Variants in ELAPOR1 observed in about 807,000 individuals in gnomAD.
ELAPOR1 encodes endosome/lysosome-associated apoptosis and autophagy regulator 1.
A neutral mutation model predicts 119.7 loss-of-function variants in ELAPOR1; 77 were observed. The observed-to-expected ratio is 0.64, with a 90% CI of 0.54 to 0.78. The LOEUF (loss-of-function observed/expected upper bound fraction) is 0.78, where lower values mean the gene tolerates loss of function less well. Among genes scored for constraint, ELAPOR1 ranks in the 30% least tolerant of loss-of-function variants. The pLI is 0.00. For missense variants in ELAPOR1, 1,115 were observed against 1,270.4 expected, an observed-to-expected ratio of 0.88 and a Z score of 1.86; for synonymous variants, 481 against 487.2, an observed-to-expected ratio of 0.99 and a Z score of 0.17.
At chr1:109,142,713 A>G (rs888112385) in intron 1 of ELAPOR1, among the ~76,000 whole-genome samples, 6 of 152,234 alleles carry the variant, frequency 3.9e-5, no homozygotes, top group Admixed American at 1.3e-4. Context: ...GGAATATAAA[A>G]TGGTATCGCT....
At position 109,200,196 on chromosome 1, in the gene ELAPOR1, G is replaced by A. The variant is rs1654083242; in HGVS notation, c.2766G>A (p.Leu922=). 10 of 1,614,202 alleles carry A rather than the reference G, an allele frequency of 6.2e-6. No individual in the cohort carries two copies. Among genetic ancestry groups the A allele is most frequent in the Non-Finnish European group, 7.6e-6 (9 of 1,180,036 alleles). ...CTGCAGGCACCTGTACTGCCATCCTGCTCACCGTCTTGACCTGCTACTTTT... is the reference window on the plus strand; with the variant it reads ...CTGCAGGCACCTGTACTGCCATCCTACTCACCGTCTTGACCTGCTACTTTT... ...GISAGTCTAI[L]LTVLTCYFWK... is the part of the protein sequence containing the mutation. Residue 922 remains leucine, a synonymous_variant, in exon 20 of 22, where the codon CTG becomes CTA. Transcript: ENST00000369939.
chr1:109,185,068 G>A lies in ELAPOR1; in HGVS notation c.976G>A (p.Val326Met), dbSNP rs772577395. The A allele has an allele frequency of 1.5e-5, 25 of 1,613,884 alleles. No homozygotes were observed. The highest frequency in any genetic ancestry group is 1.6e-4 in the Middle Eastern group (1 of 6,084). The change falls in exon 8 of 22, where the codon GTG becomes ATG. Residue 326 changes from valine to methionine, a missense_variant. Coordinates refer to ENST00000369939, the MANE Select transcript of ELAPOR1 (RefSeq NM_020775.5). ...YSEKGSSSCN[V>M]RPACTDKDYF... The stretch of plus-strand genomic sequence containing the variant: ...AGAGAAAGGATCTTCTTCCTGTAAC[G>A]TGCGCCCAGCTTGCACAGACAAAGA...
chr1:109,119,292 G>C (rs1204755914), intron 1 of ELAPOR1, among the ~76,000 whole-genome samples: 3 of 151,130 alleles, frequency 2.0e-5, no homozygotes, highest in Non-Finnish European at 4.4e-5. Context: ...CCCCTCCCAG[G>C]CTCAAGCCAT....
intron 21 of ELAPOR1, among the ~76,000 whole-genome samples, chr1:109,202,720 A>G (rs1449354202): frequency 6.6e-6 from 1 of 152,166 alleles, no homozygotes; most frequent in Non-Finnish European, 1.5e-5. Flanking sequence ...GATTACAGGC[A>G]TGAGCCACCA....
chr1:109,144,061 A>ATATATATATATATATATATTT, intron 1 of ELAPOR1, among the ~76,000 whole-genome samples: 10 of 88,990 alleles, frequency 1.1e-4, no homozygotes, highest in African/African-American at 4.8e-4. Flanking sequence ...ATATTTATAT[A>ATATATATATATATATATATTT]TTTTTTTTTT....
chr1:109,191,815 T>C lies in ELAPOR1; in HGVS notation c.1635T>C (p.Thr545=), dbSNP rs1653456853. 1 of 1,614,078 alleles carries C rather than the reference T, an allele frequency of 6.2e-7. No individual in the cohort carries two copies. The highest frequency in any genetic ancestry group is 8.5e-7 in the Non-Finnish European group (1 of 1,180,036). Residue 545 remains threonine, a synonymous_variant, in exon 13 of 22, where the codon ACT becomes ACC. Coordinates refer to ENST00000369939, the MANE Select transcript of ELAPOR1 (RefSeq NM_020775.5). ...ATACCTACATCATTGAGGAGAACACTACCACGAGCTTCACCTGGGCCTTCC... is the reference window on the plus strand; with the variant it reads ...ATACCTACATCATTGAGGAGAACACCACCACGAGCTTCACCTGGGCCTTCC... The part of the protein sequence containing the change: ...QSYTYIIEEN[T]TTSFTWAFQR...
At chr1:109,171,421 G>A (rs1413830599) in intron 3 of ELAPOR1, among the ~76,000 whole-genome samples, 2 of 151,992 alleles carry the variant, frequency 1.3e-5, no homozygotes, top group African/African-American at 4.8e-5. Flanking sequence ...GTGTGGTGGT[G>A]CATGCCTGTA....
rs1464774893 is a variant in ELAPOR1, at chr1:109,198,084, G to A, written c.2399+9G>A. 3 of 1,601,770 alleles carry A rather than the reference G, an allele frequency of 1.9e-6. No homozygotes were observed. Among genetic ancestry groups the A allele is most frequent in the Non-Finnish European group, 2.6e-6 (3 of 1,168,778 alleles). On this transcript the variant is annotated intron_variant, in intron 17 of 21. Coordinates refer to ENST00000369939, the MANE Select transcript of ELAPOR1 (RefSeq NM_020775.5). Reference sequence around the variant, plus strand: ...GTGATCTTCTTTTATAGGTGAAGATGAGAGGCTAGGCTAATGCAAGTGAAA... The same window carrying A: ...GTGATCTTCTTTTATAGGTGAAGATAAGAGGCTAGGCTAATGCAAGTGAAA...
intron 7 of ELAPOR1, among the ~76,000 whole-genome samples, chr1:109,175,548 CA>C (rs1652218160): frequency 6.7e-6 from 1 of 149,106 alleles, no homozygotes; most frequent in Admixed American, 6.7e-5. Flanking sequence ...TAATATAGGC[CA>C]GGGGTGGTGG....
At chr1:109,178,267 T>A (rs1335310651) in intron 7 of ELAPOR1, among the ~76,000 whole-genome samples, 1 of 152,182 alleles carries the variant, frequency 6.6e-6, no homozygotes, top group Non-Finnish European at 1.5e-5. Context: ...CGCCTTGGCC[T>A]CCCAAAGTGT....
intron 3 of ELAPOR1, among the ~76,000 whole-genome samples, chr1:109,166,072 C>T (rs540548306): frequency 1.3e-5 from 2 of 152,172 alleles, no homozygotes; most frequent in East Asian, 1.9e-4. Flanking sequence ...CCCGCCACCA[C>T]GCCCAGCTAA....
intron 7 of ELAPOR1, among the ~76,000 whole-genome samples, chr1:109,183,590 TTC>T (rs1558058148): frequency 1.1e-4 from 12 of 108,316 alleles, no homozygotes; most frequent in African/African-American, 4.2e-4. Flanking sequence ...CCTTCCTTCC[TTC>T]CTTCCTTCCT....
At chr1:109,167,236 G>A (rs531005738) in intron 3 of ELAPOR1, among the ~76,000 whole-genome samples, 17 of 152,232 alleles carry the variant, frequency 1.1e-4, no homozygotes, top group Admixed American at 6.5e-4. Context: ...GGACTGCACC[G>A]AGAGTCCAGA....
chr1:109,119,134 C>T (rs76305323), intron 1 of ELAPOR1, among the ~76,000 whole-genome samples: 25,320 of 151,140 alleles, frequency 0.17, 2,750 homozygotes, highest in East Asian at 0.42. Flanking sequence ...TGACCTCAGG[C>T]GATCTGCCCG....
chr1:109,189,062 C>T lies in ELAPOR1; in HGVS notation c.1220-4C>T. 6.2e-7 allele frequency: 1 copy of T among 1,613,310 alleles called. No homozygotes were observed. The stretch of plus-strand genomic sequence containing the variant: ...ATGCATGGATCTTGTTTGTGGTTCC[C>T]CAGACTGTACCCGCTGCCCTGCAGG... On this transcript the variant is annotated splice_polypyrimidine_tract_variant and splice_region_variant and intron_variant, in intron 9 of 21. Coordinates refer to ENST00000369939, the MANE Select transcript of ELAPOR1 (RefSeq NM_020775.5).
chr1:109,117,850 CG>C (rs1414837917), intron 1 of ELAPOR1, among the ~76,000 whole-genome samples: 2 of 152,000 alleles, frequency 1.3e-5, no homozygotes, highest in Non-Finnish European at 1.5e-5. Context: ...TAATTCAGGG[CG>C]GGGCACAGTG....
chr1:109,191,314 C>T, intron 11 of ELAPOR1, 52 bp from the exon 12 acceptor site: 3 of 1,304,594 alleles, frequency 2.3e-6, no homozygotes, highest in South Asian at 2.4e-5. Context: ...CTGGGCTCTT[C>T]AATAAGCACT....
intron 1 of ELAPOR1, among the ~76,000 whole-genome samples, chr1:109,147,072 AT>A (rs35132655): frequency 1.2e-3 from 173 of 141,222 alleles, no homozygotes; most frequent in Middle Eastern, 3.5e-3. Context: ...CGCCTGGCTA[AT>A]TTTTTTTTTT....
rs748113964 is a variant in ELAPOR1 at position 109,204,661 on chromosome 1, C to T, written c.*1649C>T. 5.3e-5 allele frequency: 8 copies of T among 152,312 alleles called. No homozygotes were observed. Among genetic ancestry groups the T allele is most frequent in the African/African-American group, 7.2e-5 (3 of 41,474 alleles). 9.4% of individuals were successfully genotyped at this position (152,312 alleles called of 1,614,324 possible). On this transcript the variant is annotated 3_prime_UTR_variant, in exon 22 of 22. Transcript: ENST00000369939. The stretch of plus-strand genomic sequence containing the variant: ...TCTGCTTCTAAGCTTAACGCATCTG[C>T]TCAGGCACAGAATAAACGTCTAGGC...
Sources: gnomAD v4.1 joint callset for allele counts (sites outside exome capture counted in the v4.1 genomes callset) on GRCh38, gnomAD v4.1.1 for gene constraint, MANE v1.5 for transcripts, NCBI Gene and HGNC (gene_info 2026-07-23, HGNC 2026-07-21) for gene names.